DENND5A: variants seen among roughly 807,000 people sequenced by gnomAD.
DENND5A encodes DENN domain-containing protein 5A.
In DENND5A, 64 loss-of-function variants were observed where a neutral mutation model predicts 140.3. That is an observed-to-expected ratio of 0.46 (90% CI 0.37 to 0.56). DENND5A has a LOEUF of 0.56. Among genes scored for constraint, DENND5A ranks in the 20% least tolerant of loss-of-function variants. The pLI, the probability that DENND5A is intolerant of heterozygous loss-of-function variation, is 0.00. For missense variants in DENND5A, 1,292 were observed against 1,593.8 expected (o/e 0.81, Z 3.22); for synonymous variants, 605 against 607.7 (o/e 1.00, Z 0.07).
chr11:9,212,203 CA>C (rs1849908722), intron 1 of DENND5A, among the ~76,000 whole-genome samples: 1 of 151,952 alleles, frequency 6.6e-6, no homozygotes, highest in Admixed American at 6.6e-5. Flanking sequence ...CTAGGTAACA[CA>C]GCAAGACCCC....
intron 8 of DENND5A, among the ~76,000 whole-genome samples, chr11:9,176,599 C>T (rs1352077082): frequency 6.6e-6 from 1 of 152,068 alleles, no homozygotes; most frequent in Non-Finnish European, 1.5e-5. Flanking sequence ...TTAAGCTGTT[C>T]CCCAATAATG....
At chr11:9,186,541 C>T (rs1421571030) in intron 5 of DENND5A, among the ~76,000 whole-genome samples, 1 of 152,252 alleles carries the variant, frequency 6.6e-6, no homozygotes, top group African/African-American at 2.4e-5. Context: ...CCTACATCTA[C>T]TAAACAATGC....
At position 9,264,941 on chromosome 11, in the gene DENND5A, C is replaced by A. The variant is rs1308959928; in HGVS notation, c.109+20G>T. On this transcript the variant is annotated intron_variant, in intron 1 of 22. Coordinates refer to ENST00000328194, the MANE Select transcript of DENND5A (RefSeq NM_015213.4). The stretch of plus-strand genomic sequence containing the variant: ...CGACAGCGGGCGCGGGAAAGCGCCC[C>A]GGGCTCGGCGCGCACTCACCCGACA... The A allele has an allele frequency of 1.2e-5, 19 of 1,536,220 alleles. No homozygotes were observed. The highest frequency in any genetic ancestry group is 1.7e-5 in the Non-Finnish European group (19 of 1,139,140).
intron 20 of DENND5A, 195 bp from the exon 21 acceptor site, chr11:9,143,040 AAAG>A: frequency 1.5e-6 from 1 of 650,442 alleles, no homozygotes; most frequent in Non-Finnish European, 2.6e-6. Flanking sequence ...TAAATGGATG[AAAG>A]AAGAGATGAT....
At chr11:9,188,329 C>T (rs1202451952) in intron 5 of DENND5A, among the ~76,000 whole-genome samples, 1 of 152,188 alleles carries the variant, frequency 6.6e-6, no homozygotes, top group Non-Finnish European at 1.5e-5. Flanking sequence ...TCCATTAAAC[C>T]TCTTTTTCTT....
At chr11:9,235,958 G>A (rs865845990) in intron 1 of DENND5A, among the ~76,000 whole-genome samples, 9 of 152,000 alleles carry the variant, frequency 5.9e-5, no homozygotes, top group South Asian at 4.1e-4. Context: ...ATTTTTAAAC[G>A]GGCTAGGTGC....
At chr11:9,170,836 A>C in intron 8 of DENND5A, 59 bp from the exon 9 acceptor site, 1 of 1,587,274 alleles carries the variant, frequency 6.3e-7, no homozygotes, top group Non-Finnish European at 8.6e-7. Context: ...ACACACAAAT[A>C]AATCAAGTCA....
At chr11:9,165,535 G>A (rs1210616230) in intron 11 of DENND5A, among the ~76,000 whole-genome samples, 2 of 151,978 alleles carry the variant, frequency 1.3e-5, no homozygotes, top group African/African-American at 2.4e-5. Context: ...GACTTCCCAG[G>A]TTCAAGCAAT....
At chr11:9,174,426 A>G (rs1848483035) in intron 8 of DENND5A, among the ~76,000 whole-genome samples, 1 of 151,888 alleles carries the variant, frequency 6.6e-6, no homozygotes, top group Non-Finnish European at 1.5e-5. Flanking sequence ...CCCTGTTAGC[A>G]CTAGTCAAAA....
chr11:9,195,476 G>A (rs1297404417), intron 4 of DENND5A, among the ~76,000 whole-genome samples: 1 of 152,182 alleles, frequency 6.6e-6, no homozygotes, highest in African/African-American at 2.4e-5. Flanking sequence ...TAAATCATAT[G>A]AGTAAAATCC....
At chr11:9,140,262 T>C in intron 22 of DENND5A, 1 of 1,249,598 alleles carries the variant, frequency 8.0e-7, no homozygotes, top group Non-Finnish European at 1.1e-6. Context: ...TGATATGAGG[T>C]AGGTACTATT....
At chr11:9,195,999 T>C (rs1049947753) in intron 4 of DENND5A, among the ~76,000 whole-genome samples, 13 of 152,170 alleles carry the variant, frequency 8.5e-5, no homozygotes, top group Non-Finnish European at 1.0e-4. Flanking sequence ...GTCACCCAGG[T>C]TGGAGTGCAG....
At chr11:9,188,333 T>C (rs1280611243) in intron 5 of DENND5A, among the ~76,000 whole-genome samples, 1 of 152,146 alleles carries the variant, frequency 6.6e-6, no homozygotes, top group Non-Finnish European at 1.5e-5. Context: ...TTAAACCTCT[T>C]TTTCTTCCCA....
intron 9 of DENND5A, 85 bp from the exon 10 acceptor site, chr11:9,170,034 T>C: frequency 4.9e-6 from 5 of 1,015,558 alleles, no homozygotes. Flanking sequence ...CATGAATGAC[T>C]ACGAGTCAAT....
At chr11:9,192,934 T>G (rs1266586577) in intron 5 of DENND5A, among the ~76,000 whole-genome samples, 2 of 152,200 alleles carry the variant, frequency 1.3e-5, no homozygotes, top group Non-Finnish European at 2.9e-5. Flanking sequence ...TTAAATCAAT[T>G]CTTTTCTTAG....
intron 1 of DENND5A, among the ~76,000 whole-genome samples, chr11:9,230,674 A>G (rs1850733971): frequency 6.6e-6 from 1 of 151,952 alleles, no homozygotes; most frequent in Non-Finnish European, 1.5e-5. Context: ...CATAAATCTC[A>G]ATTTCTTCAT....
Position 9,150,103 on chromosome 11 carries a change from G to C in DENND5A, c.2713C>G (p.Leu905Val), listed in dbSNP as rs778436007. 6.2e-7 allele frequency: 1 copy of C among 1,613,638 alleles called. No individual in the cohort carries two copies. The highest frequency in any genetic ancestry group is 1.7e-5 in the Admixed American group (1 of 59,988). ...TACTTGGTGAGCTCATGGTCTGAGA[G>C]GAGCTGCTTCAGGTGTCTGGAAAGT... ...KLLSRHLKQL[L>V]SDHELTKKLY... The change falls in exon 15 of 23, where the codon CTC becomes GTC. Residue 905 changes from leucine (L) to valine (V), a missense_variant. Transcript: ENST00000328194.
intron 8 of DENND5A, among the ~76,000 whole-genome samples, chr11:9,177,530 C>CT (rs1388895105): frequency 1.8e-4 from 28 of 151,880 alleles, no homozygotes; most frequent in Non-Finnish European, 8.8e-5. Flanking sequence ...GAGCACATGC[C>CT]TGTAGTCCCA....
In DENND5A at chr11:9,169,866, T is replaced by C; in HGVS notation, c.2141A>G (p.Asp714Gly). The C allele has an allele frequency of 6.2e-7, 1 of 1,606,898 alleles. No homozygotes were observed. The highest frequency in any genetic ancestry group is 8.5e-7 in the Non-Finnish European group (1 of 1,173,438). ...QHTEHLRLDN[D>G]QREKYIQEAR... The stretch of plus-strand genomic sequence containing the variant: ...CTTAAGGTATCTTACCTCCCTCTGG[T>C]CATTATCTAAACGCAGGTGTTCTGT... Residue 714 changes from aspartate to glycine, a missense_variant, in exon 10 of 23, where the codon GAC (aspartate) becomes GGC (glycine). Coordinates refer to ENST00000328194, the MANE Select transcript of DENND5A (RefSeq NM_015213.4).
Sources: allele counts gnomAD v4.1 joint callset (sites outside exome capture counted in the v4.1 genomes callset), GRCh38; gene constraint gnomAD v4.1.1; transcripts MANE v1.5; gene names NCBI Gene and HGNC (gene_info 2026-07-23, HGNC 2026-07-21).